Variants in SAMMSON observed in about 807,000 individuals in gnomAD.
The protein encoded by SAMMSON is long intergenic non-protein coding RNA 1212.
At chr3:70,342,787 T>C (rs1366937151) in intron 7 of SAMMSON, among the ~76,000 whole-genome samples, 1 of 152,198 alleles carries the variant, frequency 6.6e-6, no homozygotes, top group East Asian at 1.9e-4. Flanking sequence ...GTAAATGTGA[T>C]TATGTTTCTT....
At chr3:70,051,108 C>T (rs1352735787) in intron 3 of SAMMSON, among the ~76,000 whole-genome samples, 2 of 124,350 alleles carry the variant, frequency 1.6e-5, no homozygotes, top group Non-Finnish European at 3.2e-5. Flanking sequence ...GCCCTCCAGC[C>T]TGGGCCACAG....
chr3:70,413,255 A>C (rs1292252583), intron 2 of SAMMSON, among the ~76,000 whole-genome samples: 1 of 152,124 alleles, frequency 6.6e-6, no homozygotes, highest in Non-Finnish European at 1.5e-5. Flanking sequence ...CCAGTGTTCA[A>C]TCTTTATTTT....
At chr3:70,172,056 A>T (rs1700961654) in intron 4 of SAMMSON, among the ~76,000 whole-genome samples, 1 of 151,960 alleles carries the variant, frequency 6.6e-6, no homozygotes, top group Non-Finnish European at 1.5e-5. Flanking sequence ...CTGCTAAACA[A>T]CAATGATTTA....
At chr3:70,426,644 A>G (rs1459008857) in intron 2 of SAMMSON, among the ~76,000 whole-genome samples, 3 of 152,202 alleles carry the variant, frequency 2.0e-5, no homozygotes, top group Non-Finnish European at 2.9e-5. Flanking sequence ...CTCTTCCTGT[A>G]ATAGCCTTTC....
At chr3:70,316,422 GCT>G (rs1461558324) in intron 7 of SAMMSON, among the ~76,000 whole-genome samples, 1 of 152,044 alleles carries the variant, frequency 6.6e-6, no homozygotes, top group Non-Finnish European at 1.5e-5. Context: ...CATTTATAGA[GCT>G]CTCTGAAAGA....
At chr3:70,260,378 A>G (rs1170417321) in intron 6 of SAMMSON, among the ~76,000 whole-genome samples, 1 of 152,150 alleles carries the variant, frequency 6.6e-6, no homozygotes, top group Non-Finnish European at 1.5e-5. Context: ...ATCTTAAGTT[A>G]GCTAATTACA....
At chr3:70,122,838 T>G (rs953742696) in intron 4 of SAMMSON, among the ~76,000 whole-genome samples, 5 of 152,238 alleles carry the variant, frequency 3.3e-5, no homozygotes, top group African/African-American at 1.2e-4. Flanking sequence ...GCAATGCTTT[T>G]CAATTTTTAA....
chr3:70,415,597 C>G (rs1035981301), intron 2 of SAMMSON, among the ~76,000 whole-genome samples: 16 of 152,108 alleles, frequency 1.1e-4, no homozygotes, highest in African/African-American at 2.9e-4. Context: ...TGGGAAGACC[C>G]AGTTTTGTTT....
At chr3:70,432,396 AATAT>A (rs140750936) in intron 2 of SAMMSON, among the ~76,000 whole-genome samples, 1 of 147,858 alleles carries the variant, frequency 6.8e-6, no homozygotes, top group Non-Finnish European at 1.5e-5. Flanking sequence ...TCATTTGTCA[AATAT>A]ATATATATAT....
chr3:70,016,945 T>C lies in SAMMSON; in HGVS notation n.417+3273T>C, dbSNP rs562013043. On this transcript the variant is annotated intron_variant and non_coding_transcript_variant, in intron 3 of 9. Coordinates refer to ENST00000642114, the Ensembl canonical transcript of SAMMSON. ...GGCTCTGTTCTGTTCCATTGGTCTATATATCTGTTTTGGTACCAGTACCAT... is the reference window on the plus strand; with the variant it reads ...GGCTCTGTTCTGTTCCATTGGTCTACATATCTGTTTTGGTACCAGTACCAT... Among the ~76,000 whole-genome samples, 4 of 152,290 alleles carry C rather than the reference T, an allele frequency of 2.6e-5. No homozygotes were observed. In the South Asian group the frequency reaches 8.3e-4, roughly 32 times the overall value.
At chr3:70,148,864 C>G (rs2067559873) in intron 4 of SAMMSON, among the ~76,000 whole-genome samples, 1 of 152,004 alleles carries the variant, frequency 6.6e-6, no homozygotes, top group Non-Finnish European at 1.5e-5. Context: ...CAAATGATAG[C>G]ATGATTCCTG....
intron 1 of SAMMSON, among the ~76,000 whole-genome samples, chr3:70,006,963 C>A (rs1282374464): frequency 6.6e-6 from 1 of 152,046 alleles, no homozygotes; most frequent in African/African-American, 2.4e-5. Context: ...CATGTCCCTA[C>A]AAAGGACATG....
chr3:70,051,746 TTGG>T (rs77358449), intron 3 of SAMMSON, among the ~76,000 whole-genome samples: 62,923 of 151,210 alleles, frequency 0.42, 13,546 homozygotes, highest in East Asian at 0.6. Flanking sequence ...TAAATTTATG[TTGG>T]TGGAGTTCTG....
chr3:70,123,148 G>A (rs889549868), intron 4 of SAMMSON, among the ~76,000 whole-genome samples: 1 of 152,200 alleles, frequency 6.6e-6, no homozygotes, highest in Non-Finnish European at 1.5e-5. Context: ...GTGGGGCTGG[G>A]GAAGGGGCCC....
At chr3:70,189,051 G>T (rs1701111747) in intron 4 of SAMMSON, among the ~76,000 whole-genome samples, 2 of 152,230 alleles carry the variant, frequency 1.3e-5, no homozygotes, top group South Asian at 4.1e-4. Flanking sequence ...AATTTTGAGT[G>T]CCTAAGTAAT....
At chr3:70,373,905 G>T (rs1044586925) in intron 9 of SAMMSON, among the ~76,000 whole-genome samples, 1 of 151,556 alleles carries the variant, frequency 6.6e-6, no homozygotes, top group Non-Finnish European at 1.5e-5. Context: ...TTTTTATGTT[G>T]ATGGCTTTAT....
At chr3:70,387,979 T>A (rs1326226941) in intron 9 of SAMMSON, among the ~76,000 whole-genome samples, 20 of 152,032 alleles carry the variant, frequency 1.3e-4, no homozygotes, top group Admixed American at 1.3e-3. Flanking sequence ...TTTTTTTTGG[T>A]TTGTTTTGGT....
chr3:70,032,957 C>T (rs1214040223), intron 3 of SAMMSON, among the ~76,000 whole-genome samples: 1 of 152,118 alleles, frequency 6.6e-6, no homozygotes, highest in Non-Finnish European at 1.5e-5. Flanking sequence ...TTTCGTTGCC[C>T]AGGTGGGGGA....
intron 4 of SAMMSON, among the ~76,000 whole-genome samples, chr3:70,155,676 C>G (rs2067589500): frequency 1.3e-5 from 2 of 151,988 alleles, no homozygotes; most frequent in Non-Finnish European, 2.9e-5. Flanking sequence ...CTTTCAGATT[C>G]TGCTGTAATA....
Sources: allele counts gnomAD v4.1 joint callset (sites outside exome capture counted in the v4.1 genomes callset), GRCh38; gene constraint gnomAD v4.1.1; transcripts MANE v1.5; gene names NCBI Gene and HGNC (gene_info 2026-07-23, HGNC 2026-07-21).